Variants in SLC17A5 observed in about 807,000 individuals in gnomAD.
SLC17A5 encodes solute carrier family 17 member 5.
Under a neutral mutation model 59.4 loss-of-function variants are expected in SLC17A5, and 47 were observed. The ratio of observed to expected loss-of-function variants is 0.79; its 90% confidence interval spans 0.63 to 1.01. The LOEUF is 1.01. Among genes scored for constraint, SLC17A5 ranks in the 50% least tolerant of loss-of-function variants. The pLI, the probability that SLC17A5 is intolerant of heterozygous loss-of-function variation, is 0.00. For synonymous variants in SLC17A5, 202 were observed against 210.7 expected (o/e 0.96, Z 0.36); for missense variants, 522 against 595.5 (o/e 0.88, Z 1.28).
chr6:73,635,897 C>T (rs1328093942), intron 5 of SLC17A5, among the ~76,000 whole-genome samples: 5 of 152,144 alleles, frequency 3.3e-5, no homozygotes, highest in South Asian at 2.1e-4. Context: ...CGTGCCACCA[C>T]GCCTGGCTAA....
At chr6:73,646,615 A>G (rs1422259981) in intron 1 of SLC17A5, among the ~76,000 whole-genome samples, 1 of 152,190 alleles carries the variant, frequency 6.6e-6, no homozygotes, top group Non-Finnish European at 1.5e-5. Flanking sequence ...GCAGTTGTCC[A>G]GTTAATGACG....
chr6:73,614,428 A>G (rs1404470010), intron 8 of SLC17A5, among the ~76,000 whole-genome samples: 1 of 152,212 alleles, frequency 6.6e-6, no homozygotes, highest in East Asian at 1.9e-4. Flanking sequence ...TGTTTTAAAA[A>G]AGAAATATAT....
intron 9 of SLC17A5, among the ~76,000 whole-genome samples, chr6:73,608,890 T>C (rs577191477): frequency 5.7e-4 from 87 of 152,290 alleles, no homozygotes; most frequent in African/African-American, 1.9e-3. Context: ...CATGGTGATG[T>C]ATGCCTGCAG....
At chr6:73,636,785 G>A in intron 4 of SLC17A5, 78 bp from the exon 5 acceptor site, 3 of 1,053,202 alleles carry the variant, frequency 2.8e-6, no homozygotes, top group South Asian at 2.5e-5. Context: ...ACTGCTTACA[G>A]AGGATGGGTA....
chr6:73,612,868 A>G lies in SLC17A5; in HGVS notation c.1112-2321T>C, dbSNP rs1469956085. ...GGAATTTGTGACTAACCTGAGCAAC[A>G]TGGTAAAACCATGTCTCTACAAAAA... On this transcript the variant is annotated intron_variant, in intron 8 of 10. Transcript: ENST00000355773. Among the ~76,000 whole-genome samples, 7 of 152,316 alleles carry G rather than the reference A, an allele frequency of 4.6e-5. No individual in the cohort carries two copies. In the East Asian group the frequency reaches 9.6e-4, roughly 21 times the overall value.
At chr6:73,617,705 C>T (rs772711560) in intron 7 of SLC17A5, among the ~76,000 whole-genome samples, 2 of 151,686 alleles carry the variant, frequency 1.3e-5, no homozygotes, top group Non-Finnish European at 2.9e-5. Flanking sequence ...TTAGGTGTGG[C>T]GGTGGATGCC....
At chr6:73,621,996 G>A (rs764520975) in intron 6 of SLC17A5, 34 bp from the exon 7 acceptor site, 37 of 1,605,014 alleles carry the variant, frequency 2.3e-5, no homozygotes, top group Middle Eastern at 3.3e-4. Context: ...GATAAACTAC[G>A]GCTATGTTAA....
At chr6:73,609,969 T>C (rs376906393) in intron 9 of SLC17A5, among the ~76,000 whole-genome samples, 7 of 152,072 alleles carry the variant, frequency 4.6e-5, no homozygotes, top group Non-Finnish European at 1.5e-5. Flanking sequence ...TATGAAACAA[T>C]GTGAATACTT....
chr6:73,641,587 C>T (rs1769286766), intron 3 of SLC17A5, 104 bp downstream of exon 3: 4 of 827,118 alleles, frequency 4.8e-6, no homozygotes, highest in Non-Finnish European at 7.8e-6. Context: ...TGTTATCATC[C>T]AACGTTATTT....
At chr6:73,641,375 G>A (rs187734570) in intron 3 of SLC17A5, among the ~76,000 whole-genome samples, 42 of 152,152 alleles carry the variant, frequency 2.8e-4, no homozygotes, top group Middle Eastern at 3.4e-3. Flanking sequence ...CACCACGCCC[G>A]GACTATCTTA....
At position 73,653,961 on chromosome 6, in the gene SLC17A5, G is replaced by A; in HGVS notation, c.-75C>T. 7.5e-7 allele frequency: 1 copy of A among 1,339,656 alleles called. No individual in the cohort carries two copies. Among genetic ancestry groups the A allele is most frequent in the South Asian group, 1.3e-5 (1 of 79,548 alleles). The allele number at this position is 1,339,656 out of a possible 1,614,324, so 83.0% of individuals were successfully genotyped here. On this transcript the variant is annotated 5_prime_UTR_variant, in exon 1 of 11. Transcript: ENST00000355773. ...CGGCCCGACAGCCCGAAGCCCCCGG[G>A]CCGAGCTGGCTGGACCGGGCGGGGC...
intron 8 of SLC17A5, among the ~76,000 whole-genome samples, chr6:73,612,314 C>A (rs185695978): frequency 6.6e-6 from 1 of 152,094 alleles, no homozygotes; most frequent in Non-Finnish European, 1.5e-5. Context: ...CACACACCAC[C>A]ACGCCAAGCT....
At chr6:73,650,433 G>A (rs556544361) in intron 1 of SLC17A5, among the ~76,000 whole-genome samples, 18 of 149,572 alleles carry the variant, frequency 1.2e-4, no homozygotes, top group Middle Eastern at 3.4e-3. Flanking sequence ...GCATGAACCC[G>A]GGAGGCGGAG....
chr6:73,627,038 C>G (rs1191351711), intron 6 of SLC17A5, among the ~76,000 whole-genome samples: 1 of 151,442 alleles, frequency 6.6e-6, no homozygotes, highest in Non-Finnish European at 1.5e-5. Flanking sequence ...TCCCAAAGTG[C>G]TGGGATTACA....
At chr6:73,598,545 T>A (rs1278950328) in intron 10 of SLC17A5, among the ~76,000 whole-genome samples, 1 of 148,962 alleles carries the variant, frequency 6.7e-6, no homozygotes, top group Non-Finnish European at 1.5e-5. Flanking sequence ...GCAGGAGAAT[T>A]GTTTGAACCT....
intron 1 of SLC17A5, among the ~76,000 whole-genome samples, chr6:73,648,390 A>C (rs1484106736): frequency 1.3e-5 from 2 of 152,252 alleles, no homozygotes; most frequent in Non-Finnish European, 2.9e-5. Context: ...ATCAGCTTCT[A>C]AAATGTGTTT....
chr6:73,595,207 A>G lies in SLC17A5; in HGVS notation c.1358T>C (p.Val453Ala), dbSNP rs886061735. The G allele has an allele frequency of 1.2e-6, 2 of 1,614,002 alleles. No individual in the cohort carries two copies. Among genetic ancestry groups the G allele is most frequent in the Middle Eastern group, 1.6e-4 (1 of 6,082 alleles). ...ATAGAACACGGTTTGCCATTCTCCA[A>G]CAGTGTTCTATAAAGGAAGACAAAA... Reference protein sequence around the residue: ...IAKSLTPDNTVGEWQTVFYIA... With the variant: ...IAKSLTPDNTAGEWQTVFYIA... The change falls in exon 11 of 11, where the codon GTT (valine) becomes GCT (alanine). Residue 453 changes from valine to alanine, a missense_variant. Val to Ala is a moderately conservative substitution (Grantham distance 64, BLOSUM62 0). Transcript: ENST00000355773.
intron 1 of SLC17A5, among the ~76,000 whole-genome samples, chr6:73,645,719 C>T (rs776375304): frequency 9.3e-5 from 13 of 140,430 alleles, no homozygotes; most frequent in Non-Finnish European, 1.4e-4. Flanking sequence ...ACCCGGGAGG[C>T]GGAGCTTGCA....
rs1768783573 is a variant in SLC17A5 at position 73,632,434 on chromosome 6, C to CTTG, written c.819+2947_819+2948insCAA. 2.3e-5 allele frequency among the ~76,000 whole-genome samples: 2 copies of CTTG among 86,766 alleles called. 1 individual carries two copies. Among genetic ancestry groups the CTTG allele is most frequent in the Non-Finnish European group, 4.6e-5 (2 of 43,768 alleles). The allele number at this position is 86,766 out of a possible 152,430, so 56.9% of individuals were successfully genotyped here. ...AAGACACATATCGATGTAGAGAAAGCTTTTTTTTTTTTTTTTTTTTTTTTT... is the reference window on the plus strand; with the variant it reads ...AAGACACATATCGATGTAGAGAAAGCTTGTTTTTTTTTTTTTTTTTTTTTTTTT... On this transcript the variant is annotated intron_variant, in intron 6 of 10. Transcript: ENST00000355773.
Sources: gnomAD v4.1 joint callset for allele counts (sites outside exome capture counted in the v4.1 genomes callset) on GRCh38, gnomAD v4.1.1 for gene constraint, MANE v1.5 for transcripts, NCBI Gene and HGNC (gene_info 2026-07-23, HGNC 2026-07-21) for gene names.